Variants in CDC7 observed in about 807,000 individuals in gnomAD.
CDC7 encodes the protein cell division cycle 7.
Under a neutral mutation model 53.5 loss-of-function variants are expected in CDC7, and 34 were observed. The ratio of observed to expected loss-of-function variants is 0.64; its 90% CI spans 0.48 to 0.85. The LOEUF is 0.85. Ranked by LOEUF, CDC7 falls within the 40% of genes least tolerant of loss-of-function variation. The pLI is 0.00. For synonymous variants in CDC7, 211 were observed against 222.8 expected (o/e 0.95, Z 0.47); for missense variants, 594 against 679.7 (o/e 0.87, Z 1.40).
rs370367545 is a variant in CDC7, at chr1:91,514,028, G to A, written c.903G>A (p.Glu301=). 4 of 1,609,426 alleles carry A rather than the reference G, an allele frequency of 2.5e-6. No homozygotes were observed. Among genetic ancestry groups the A allele is most frequent in the Non-Finnish European group, 3.4e-6 (4 of 1,176,354 alleles). Reference sequence around the variant, plus strand: ...ATATACACAGCTCCATTTCACATGAGAGCCCTGCAGTGAAAGTAAGTAATG... The same window carrying A: ...ATATACACAGCTCCATTTCACATGAAAGCCCTGCAGTGAAAGTAAGTAATG... The part of the protein sequence containing the change: ...NFNIHSSISH[E]SPAVKLMKQS... Residue 301 remains glutamate (E), a synonymous_variant, in exon 8 of 12, where the codon GAG becomes GAA. Coordinates refer to ENST00000234626, the MANE Select transcript of CDC7 (RefSeq NM_003503.4).
At position 91,514,977 on chromosome 1, in the gene CDC7, T is replaced by C. The variant is rs1021616498; in HGVS notation, c.1077T>C (p.Val359=). Residue 359 remains valine (V), a synonymous_variant, in exon 9 of 12, where the codon GTT becomes GTC. Transcript: ENST00000234626. ...GTGACTGCTATGCAACAGATAAAGT[T>C]TGTAGTATTTGCCTTTCAAGGTAAT... ...LTCDCYATDK[V]CSICLSRRQQ... is the part of the protein sequence containing the mutation. 9.3e-6 allele frequency: 15 copies of C among 1,610,104 alleles called. No homozygotes were observed. The Middle Eastern group carries it at 5.0e-4, about 53-fold the overall frequency.
intron 11 of CDC7, among the ~76,000 whole-genome samples, chr1:91,520,836 T>G (rs2102401708): frequency 6.6e-6 from 1 of 152,310 alleles, no homozygotes; most frequent in South Asian, 2.1e-4. Flanking sequence ...ATAGAAGGCC[T>G]TAACTGATGG....
chr1:91,512,602 G>A (rs1667343128), intron 6 of CDC7, among the ~76,000 whole-genome samples: 1 of 151,810 alleles, frequency 6.6e-6, no homozygotes, highest in Non-Finnish European at 1.5e-5. Flanking sequence ...TCTATATAAT[G>A]GATCATATTA....
chr1:91,524,131 A>G lies in CDC7; in HGVS notation c.1421A>G (p.Lys474Arg), dbSNP rs964267282. 1 of 1,614,040 alleles carries G rather than the reference A, an allele frequency of 6.2e-7. No individual in the cohort carries two copies. Among genetic ancestry groups the G allele is most frequent in the South Asian group, 1.1e-5 (1 of 91,072 alleles). ...AGGGGTATGGATTCTAGCACTCCCA[A>G]GTTAACAAGTGATATACAAGGGCAT... ...RLRGMDSSTPKLTSDIQGHAS... is the reference protein window; with the variant it reads ...RLRGMDSSTPRLTSDIQGHAS... Residue 474 changes from lysine (K) to arginine (R), a missense_variant, in exon 12 of 12, where the codon AAG becomes AGG. Coordinates refer to ENST00000234626, the MANE Select transcript of CDC7 (RefSeq NM_003503.4).
intron 2 of CDC7, among the ~76,000 whole-genome samples, chr1:91,506,653 A>C (rs1667005419): frequency 6.6e-6 from 1 of 152,114 alleles, no homozygotes; most frequent in Non-Finnish European, 1.5e-5. Context: ...GCGTTTATTT[A>C]AATGAATTAG....
At position 91,508,343 on chromosome 1, in the gene CDC7, C is replaced by T. The variant is rs199693565; in HGVS notation, c.281C>T (p.Pro94Leu). The change falls in exon 4 of 12, where the codon CCA (proline) becomes CTA (leucine). Residue 94 changes from proline (P) to leucine (L), a missense_variant. Transcript: ENST00000234626. Reference sequence around the variant, plus strand: ...AAAATTGCTCTAAAACACTTGATTCCAACAAGTCATCCTATAAGAATTGCA... The same window carrying T: ...AAAATTGCTCTAAAACACTTGATTCTAACAAGTCATCCTATAAGAATTGCA... The part of the protein sequence containing the change: ...EEKIALKHLI[P>L]TSHPIRIAAE... 6.2e-7 allele frequency: 1 copy of T among 1,611,474 alleles called. No homozygotes were observed. The highest frequency in any genetic ancestry group is 2.2e-5 in the East Asian group (1 of 44,764).
chr1:91,517,810 A>T (rs1164227769), intron 10 of CDC7, among the ~76,000 whole-genome samples: 1 of 152,050 alleles, frequency 6.6e-6, no homozygotes, highest in Non-Finnish European at 1.5e-5. Context: ...TAAGAAAGGC[A>T]AGTAGGGCCG....
chr1:91,511,436 C>A (rs13447502), intron 4 of CDC7, among the ~76,000 whole-genome samples, 161 bp from the exon 5 acceptor site: 1 of 152,038 alleles, frequency 6.6e-6, no homozygotes, highest in African/African-American at 2.4e-5. Flanking sequence ...AACTTTAACA[C>A]GAGAACACAA....
intron 6 of CDC7, among the ~76,000 whole-genome samples, chr1:91,512,385 T>C (rs1214621025): frequency 7.2e-6 from 1 of 138,204 alleles, no homozygotes; most frequent in Non-Finnish European, 1.6e-5. Context: ...GGAAATAGCA[T>C]GAACTAACAG....
intron 8 of CDC7, 52 bp from the exon 9 acceptor site, chr1:91,514,767 G>C (rs1667468777): frequency 1.4e-6 from 2 of 1,379,622 alleles, no homozygotes; most frequent in Non-Finnish European, 2.0e-6. Flanking sequence ...AGCATTTTAG[G>C]ACATCATGTT....
intron 11 of CDC7, among the ~76,000 whole-genome samples, chr1:91,523,821 CTATCTCCCACTT>C (rs527516297): frequency 7.9e-5 from 12 of 152,056 alleles, no homozygotes; most frequent in Non-Finnish European, 1.6e-4. Context: ...TTTGTACTTA[CTATCTCCCACTT>C]TATCTCCCAC....
intron 10 of CDC7, among the ~76,000 whole-genome samples, chr1:91,516,188 C>T (rs1392441855): frequency 6.6e-6 from 1 of 151,892 alleles, no homozygotes; most frequent in Non-Finnish European, 1.5e-5. Flanking sequence ...ATTTTGCTGA[C>T]ATCACCTTTG....
intron 8 of CDC7, 46 bp from the exon 9 acceptor site, chr1:91,514,773 A>G (rs780541256): frequency 1.7e-5 from 24 of 1,434,216 alleles, no homozygotes; most frequent in Non-Finnish European, 2.2e-5. Context: ...TTAGGACATC[A>G]TGTTTAATAT....
chr1:91,512,873 G>A (rs745809959), intron 6 of CDC7, among the ~76,000 whole-genome samples, 185 bp from the exon 7 acceptor site: 18 of 151,838 alleles, frequency 1.2e-4, no homozygotes, highest in Admixed American at 2.6e-4. Flanking sequence ...TTTCAATCCT[G>A]GTTAGCTGTT....
At chr1:91,503,693 G>A (rs2102321519) in intron 2 of CDC7, among the ~76,000 whole-genome samples, 1 of 152,224 alleles carries the variant, frequency 6.6e-6, no homozygotes, top group African/African-American at 2.4e-5. Context: ...CATGATTATT[G>A]AAATTTTTGA....
At chr1:91,517,407 A>G (rs1282998110) in intron 10 of CDC7, among the ~76,000 whole-genome samples, 1 of 152,150 alleles carries the variant, frequency 6.6e-6, no homozygotes, top group Non-Finnish European at 1.5e-5. Context: ...AGGGTGTGGT[A>G]TGGTGAGGGA....
chr1:91,508,202 A>C (rs1667090510), intron 3 of CDC7, 60 bp from the exon 4 acceptor site: 1 of 1,381,632 alleles, frequency 7.2e-7, no homozygotes, highest in African/African-American at 1.5e-5. Context: ...CTATCTTAGA[A>C]TTGTTTCATT....
chr1:91,517,924 C>T (rs951548508), intron 10 of CDC7, among the ~76,000 whole-genome samples: 2 of 151,694 alleles, frequency 1.3e-5, no homozygotes, highest in East Asian at 3.9e-4. Context: ...GGCGAAATCC[C>T]GTCTCTACTA....
chr1:91,505,797 GA>G (rs563243022), intron 2 of CDC7, among the ~76,000 whole-genome samples: 63 of 152,244 alleles, frequency 4.1e-4, no homozygotes, highest in Non-Finnish European at 8.7e-4. Flanking sequence ...AAGTTGTTCT[GA>G]AGTGACAGGA....
Sources: gnomAD v4.1 joint callset for allele counts (sites outside exome capture counted in the v4.1 genomes callset) on GRCh38, gnomAD v4.1.1 for gene constraint, MANE v1.5 for transcripts, NCBI Gene and HGNC (gene_info 2026-07-23, HGNC 2026-07-21) for gene names.